The following ITGA9 variants were observed in gnomAD, a reference collection of about 807,000 sequenced individuals.
ITGA9 encodes the protein integrin subunit alpha 9.
ITGA9 carries 56 observed loss-of-function variants against 127.8 expected under a neutral mutation model. The observed-to-expected ratio is 0.44, with a 90% CI of 0.35 to 0.55. The LOEUF (loss-of-function observed/expected upper bound fraction) is 0.55. ITGA9 is among the 20% of genes least tolerant of loss of function. The probability of loss-of-function intolerance (pLI) is 0.00; values close to 1 mark genes in which losing one functional copy is unlikely to be tolerated. For missense variants in ITGA9, 1,196 were observed against 1,347.1 expected, an observed-to-expected ratio of 0.89 and a Z score of 1.76; for synonymous variants, 508 against 514.5, an observed-to-expected ratio of 0.99 and a Z score of 0.17.
chr3:37,631,377 A>C (rs1200261232), intron 16 of ITGA9, among the ~76,000 whole-genome samples: 1 of 152,194 alleles, frequency 6.6e-6, no homozygotes, highest in Non-Finnish European at 1.5e-5. Context: ...TGACATTTTT[A>C]GATTTAAGCA....
chr3:37,508,380 C>CT (rs923519073), intron 7 of ITGA9, among the ~76,000 whole-genome samples, 179 bp from the exon 8 acceptor site: 4 of 151,806 alleles, frequency 2.6e-5, no homozygotes, highest in Non-Finnish European at 4.4e-5. Flanking sequence ...TTGAAGGACC[C>CT]TTTTTTTTGC....
At chr3:37,586,869 C>T (rs920476263) in intron 15 of ITGA9, among the ~76,000 whole-genome samples, 1 of 152,188 alleles carries the variant, frequency 6.6e-6, no homozygotes, top group African/African-American at 2.4e-5. Context: ...TTGTTTGTGA[C>T]ATTTAGCTCC....
intron 23 of ITGA9, among the ~76,000 whole-genome samples, chr3:37,767,341 A>G (rs1696791542): frequency 6.6e-6 from 1 of 152,184 alleles, no homozygotes; most frequent in Admixed American, 6.5e-5. Context: ...CAGACTCCAT[A>G]CCACTTTTCA....
chr3:37,593,463 A>G (rs1041976395), intron 15 of ITGA9, among the ~76,000 whole-genome samples: 4 of 152,224 alleles, frequency 2.6e-5, no homozygotes, highest in Non-Finnish European at 4.4e-5. Flanking sequence ...GGAGGCTGAA[A>G]GCCCACAATC....
At chr3:37,574,215 ATTTCT>A (rs1490499932) in intron 15 of ITGA9, among the ~76,000 whole-genome samples, 1 of 152,188 alleles carries the variant, frequency 6.6e-6, no homozygotes, top group Non-Finnish European at 1.5e-5. Context: ...TAGGGTAGAT[ATTTCT>A]TTTAAGACTG....
intron 15 of ITGA9, among the ~76,000 whole-genome samples, chr3:37,599,268 G>A (rs1205770251): frequency 6.6e-6 from 1 of 152,152 alleles, no homozygotes; most frequent in African/African-American, 2.4e-5. Context: ...ATCTGGGTGG[G>A]GCGTGGCTGA....
chr3:37,611,578 A>G (rs536909701), intron 15 of ITGA9, among the ~76,000 whole-genome samples: 1 of 152,168 alleles, frequency 6.6e-6, no homozygotes, highest in East Asian at 1.9e-4. Context: ...TACTTTCTTC[A>G]CTCTCTAAAC....
chr3:37,467,835 A>G (rs905263173), intron 1 of ITGA9, among the ~76,000 whole-genome samples: 1 of 152,194 alleles, frequency 6.6e-6, no homozygotes, highest in Non-Finnish European at 1.5e-5. Context: ...ATGTTTCAGC[A>G]GTTTAGACAG....
chr3:37,757,564 TC>T (rs1316254211), intron 23 of ITGA9, among the ~76,000 whole-genome samples: 1 of 151,616 alleles, frequency 6.6e-6, no homozygotes, highest in Admixed American at 6.6e-5. Context: ...GGTGGGAGGA[TC>T]CCTTGAGTCC....
At chr3:37,686,029 T>C (rs1044089262) in intron 18 of ITGA9, among the ~76,000 whole-genome samples, 1 of 152,268 alleles carries the variant, frequency 6.6e-6, no homozygotes, top group Non-Finnish European at 1.5e-5. Context: ...TCCCAGTTTC[T>C]ATATTAAGTA....
chr3:37,566,698 T>G (rs1699550875), intron 15 of ITGA9, among the ~76,000 whole-genome samples: 1 of 152,174 alleles, frequency 6.6e-6, no homozygotes. Context: ...TTTCATATGG[T>G]CATTGCCTCT....
chr3:37,481,055 C>A (rs1438532836), intron 3 of ITGA9, among the ~76,000 whole-genome samples: 1 of 152,146 alleles, frequency 6.6e-6, no homozygotes, highest in South Asian at 2.1e-4. Flanking sequence ...TCCAGACCGG[C>A]CTTTCTTTCT....
intron 18 of ITGA9, among the ~76,000 whole-genome samples, chr3:37,730,309 ACAGGCCAATTAGC>A (rs952050547): frequency 6.6e-6 from 1 of 152,206 alleles, no homozygotes. Flanking sequence ...TCTGATGTCC[ACAGGCCAATTAGC>A]CAGGATTTAG....
At chr3:37,626,822 C>A (rs1370345173) in intron 15 of ITGA9, among the ~76,000 whole-genome samples, 1 of 152,326 alleles carries the variant, frequency 6.6e-6, no homozygotes, top group Non-Finnish European at 1.5e-5. Context: ...TTCCCTACCC[C>A]CATCTTCACC....
At chr3:37,484,067 T>G (rs539245781) in intron 4 of ITGA9, among the ~76,000 whole-genome samples, 1 of 152,196 alleles carries the variant, frequency 6.6e-6, no homozygotes, top group Non-Finnish European at 1.5e-5. Context: ...GACTTAATGA[T>G]GGTTAAATGG....
chr3:37,490,942 A>G (rs1475833100), intron 4 of ITGA9, among the ~76,000 whole-genome samples: 4 of 121,936 alleles, frequency 3.3e-5, no homozygotes, highest in African/African-American at 6.1e-5. Context: ...GTTCAACCCT[A>G]TCTTTTGGGT....
chr3:37,730,418 G>T (rs1011610390), intron 18 of ITGA9, among the ~76,000 whole-genome samples: 1 of 152,084 alleles, frequency 6.6e-6, no homozygotes. Flanking sequence ...GCCATCTATG[G>T]TGAATCATTA....
In ITGA9 at chr3:37,494,442, C is replaced by T. The variant is rs1432237638; in HGVS notation, c.545-59C>T. On this transcript the variant is annotated intron_variant, in intron 4 of 27. Transcript: ENST00000264741. ...GCTGGCTGGCTCTGCTGGCTCCACG[C>T]ACAGCTGGCATACACTGACATGGCT... The T allele has an allele frequency of 3.2e-6, 4 of 1,265,190 alleles. No individual in the cohort carries two copies. The East Asian group carries it at 9.6e-5, about 30-fold the overall frequency. 78.4% of individuals were successfully genotyped at this position (1,265,190 alleles called of 1,614,324 possible). A position where few individuals can be genotyped will look rare whatever the true frequency, so the allele number is the denominator to read the frequency against.
chr3:37,819,213 TG>T lies in ITGA9; in HGVS notation c.*226del. On this transcript the variant is annotated 3_prime_UTR_variant, in exon 28 of 28. Transcript: ENST00000264741. ...TCCTTTAAAGATGAACTCTGAACTT[TG>T]GAGAGTGAGCTACAGAGCCGAGCAA... 1.7e-6 allele frequency: 1 copy of T among 593,574 alleles called. No individual in the cohort carries two copies. The highest frequency in any genetic ancestry group is 2.8e-5 in the East Asian group (1 of 35,138). The allele number at this position is 593,574 out of a possible 1,614,324, so 36.8% of individuals were successfully genotyped here.
Sources: gnomAD v4.1 joint callset for allele counts (sites outside exome capture counted in the v4.1 genomes callset) on GRCh38, gnomAD v4.1.1 for gene constraint, MANE v1.5 for transcripts, NCBI Gene and HGNC (gene_info 2026-07-23, HGNC 2026-07-21) for gene names.